The following ZNF385C variants were observed in gnomAD, a reference collection of about 807,000 sequenced individuals.
ZNF385C encodes CTD-2132N18.2.
A neutral mutation model predicts 35.4 loss-of-function variants in ZNF385C; 28 were observed. The ratio of observed to expected loss-of-function variants is 0.79; its 90% CI spans 0.59 to 1.08. The LOEUF (loss-of-function observed/expected upper bound fraction) is 1.08, where lower values mean the gene tolerates loss of function less well. Ranked by LOEUF, ZNF385C falls within the 50% of genes least tolerant of loss-of-function variation. The probability of loss-of-function intolerance (pLI) is 0.00; values close to 1 mark genes in which losing one functional copy is unlikely to be tolerated. For missense variants in ZNF385C, 605 were observed against 595.6 expected (o/e 1.02, Z -0.16); for synonymous variants, 248 against 248.2 (o/e 1.00, Z 0.01).
intron 4 of ZNF385C, among the ~76,000 whole-genome samples, chr17:42,033,715 T>G (rs782382839): frequency 6.6e-6 from 1 of 152,158 alleles, no homozygotes; most frequent in African/African-American, 2.4e-5. Flanking sequence ...ATTGCGCCAC[T>G]GCACTCCCGC....
chr17:42,070,557 C>T (rs531936264), intron 1 of ZNF385C, among the ~76,000 whole-genome samples: 5 of 152,132 alleles, frequency 3.3e-5, no homozygotes, highest in Non-Finnish European at 7.4e-5. Flanking sequence ...ACAGAAACAT[C>T]GCCTCCATGA....
At chr17:42,088,041 AT>A (rs199498121) in intron 1 of ZNF385C, among the ~76,000 whole-genome samples, 40 of 151,088 alleles carry the variant, frequency 2.6e-4, no homozygotes, top group Non-Finnish European at 3.1e-4. Context: ...TAAATGGTTA[AT>A]TTTTTTTTTA....
In ZNF385C at chr17:42,039,621, T is replaced by C. The variant is rs368331216; in HGVS notation, c.251-1736A>G. The stretch of plus-strand genomic sequence containing the variant: ...GGGAGGCTGCAGTCAGCAGATCATC[T>C]TGGGTGCAGCATGGTCAAGTCTAGG... On this transcript the variant is annotated intron_variant, in intron 2 of 8. Coordinates refer to ENST00000692273, the MANE Select transcript of ZNF385C (RefSeq NM_001392013.1). The C allele has an allele frequency of 5.8e-5, 68 of 1,173,036 alleles. No individual in the cohort carries two copies. The African/African-American group carries it at 8.8e-4, about 15-fold the overall frequency. 72.7% of individuals were successfully genotyped at this position (1,173,036 alleles called of 1,614,324 possible). A position where few individuals can be genotyped will look rare whatever the true frequency, so the allele number is the denominator to read the frequency against.
At chr17:42,065,364 A>T (rs535564186) in intron 1 of ZNF385C, 6 of 152,352 alleles carry the variant, frequency 3.9e-5, no homozygotes, top group African/African-American at 1.4e-4. Context: ...ACCTGAGCAG[A>T]CAAGCTCATC....
Position 42,071,620 on chromosome 17 carries a change from A to G in ZNF385C, c.-2-8562T>C, listed in dbSNP as rs73986516. On this transcript the variant is annotated intron_variant, in intron 1 of 8. Transcript: ENST00000692273. ...CTTGTAAGGTGGGATGGTTGTCTCC[A>G]TACCCCCTGTCCTTGCCTCTGCTGC... Among the ~76,000 whole-genome samples the G allele has an allele frequency of 8.2e-3, 1,241 of 152,096 alleles. 14 individuals carry two copies. Among genetic ancestry groups the G allele is most frequent in the African/African-American group, 0.028 (1,153 of 41,360 alleles).
chr17:42,038,240 T>G, intron 2 of ZNF385C: 1 of 560,432 alleles, frequency 1.8e-6, no homozygotes, highest in Non-Finnish European at 3.1e-6. Flanking sequence ...CATGATGTGC[T>G]GGGATTCCAT....
chr17:42,064,097 C>CACACACACACACACACACAA (rs2053512061), intron 1 of ZNF385C, among the ~76,000 whole-genome samples: 1 of 151,410 alleles, frequency 6.6e-6, no homozygotes, highest in African/African-American at 2.4e-5. Context: ...CACACACACA[C>CACACACACACACACACACAA]ACACACACAC....
intron 1 of ZNF385C, among the ~76,000 whole-genome samples, chr17:42,070,277 G>A (rs1555658690): frequency 6.6e-6 from 1 of 152,196 alleles, no homozygotes; most frequent in African/African-American, 2.4e-5. Context: ...CCGGGAGGCG[G>A]AGCTTGCAGT....
chr17:42,040,243 G>A (rs1373555858), intron 2 of ZNF385C: 1 of 1,231,458 alleles, frequency 8.1e-7, no homozygotes, highest in Non-Finnish European at 1.0e-6. Flanking sequence ...CTTCCGCATG[G>A]AGTCCAGGAA....
chr17:42,055,941 G>T (rs1555657529), intron 2 of ZNF385C, among the ~76,000 whole-genome samples: 6 of 152,160 alleles, frequency 3.9e-5, no homozygotes, highest in African/African-American at 1.4e-4. Flanking sequence ...CCCCTCTCCC[G>T]CTGGAAGGCA....
At chr17:42,028,757 G>A in intron 6 of ZNF385C, 26 bp downstream of exon 6, 9 of 1,536,152 alleles carry the variant, frequency 5.9e-6, no homozygotes, top group Non-Finnish European at 7.9e-6. Flanking sequence ...CCCTTTCCCT[G>A]GGCTCCAGCT....
At chr17:42,084,098 T>G (rs1480793739) in intron 1 of ZNF385C, among the ~76,000 whole-genome samples, 4 of 151,994 alleles carry the variant, frequency 2.6e-5, no homozygotes, top group Non-Finnish European at 5.9e-5. Context: ...AATCCCACCA[T>G]TTTAGGAGGC....
intron 1 of ZNF385C, among the ~76,000 whole-genome samples, chr17:42,097,115 C>T (rs1377132092): frequency 1.3e-5 from 2 of 152,092 alleles, no homozygotes; most frequent in South Asian, 2.1e-4. Context: ...CTGTGCTAAG[C>T]GCTCTACATG....
chr17:42,085,442 T>C (rs959737473), intron 1 of ZNF385C, among the ~76,000 whole-genome samples: 2 of 149,516 alleles, frequency 1.3e-5, no homozygotes, highest in Admixed American at 1.3e-4. Context: ...CTAATTTTTT[T>C]CTTTTTTTTT....
In ZNF385C at chr17:42,026,739, A is replaced by C; in HGVS notation, c.*158T>G. 1.3e-6 allele frequency: 1 copy of C among 746,736 alleles called. No homozygotes were observed. Among genetic ancestry groups the C allele is most frequent in the East Asian group, 2.7e-5 (1 of 37,340 alleles). The allele number at this position is 746,736 out of a possible 1,614,324, so 46.3% of individuals were successfully genotyped here. ...AAGGAGGGTGGGGACAGTCCTTGGAAGGCAGCTGCCCTTAAAACTAGCCCA... is the reference window on the plus strand; with the variant it reads ...AAGGAGGGTGGGGACAGTCCTTGGACGGCAGCTGCCCTTAAAACTAGCCCA... On this transcript the variant is annotated 3_prime_UTR_variant, in exon 9 of 9. Transcript: ENST00000692273.
rs1365419312 is a variant in ZNF385C, at chr17:42,064,959, T to G, written c.-2-1901A>C. On this transcript the variant is annotated intron_variant, in intron 1 of 8. Transcript: ENST00000692273. ...GCCTCCCGGATTCAAGCAATTCTCC[T>G]GCCTCAGCCTCCTGAGTAGCTGGGA... 19 of 152,158 alleles carry G rather than the reference T, an allele frequency of 1.2e-4. 1 individual carries two copies. The highest frequency in any genetic ancestry group is 1.2e-3 in the Admixed American group (18 of 15,266). The allele number at this position is 152,158 out of a possible 1,614,324, so 9.4% of individuals were successfully genotyped here. A position where few individuals can be genotyped will look rare whatever the true frequency, so the allele number is the denominator to read the frequency against.
At chr17:42,030,007 G>A (rs546034864) in intron 5 of ZNF385C, among the ~76,000 whole-genome samples, 6 of 151,546 alleles carry the variant, frequency 4.0e-5, no homozygotes, top group Non-Finnish European at 7.4e-5. Flanking sequence ...CAGCCTGGGT[G>A]ACAGAGCCAG....
intron 1 of ZNF385C, among the ~76,000 whole-genome samples, chr17:42,076,344 G>A (rs1445479816): frequency 2.0e-5 from 3 of 151,348 alleles, no homozygotes; most frequent in Non-Finnish European, 4.4e-5. Flanking sequence ...GGCTCTGGCC[G>A]GGCGCGGTGG....
At chr17:42,054,090 TC>T (rs1651543697) in intron 2 of ZNF385C, among the ~76,000 whole-genome samples, 1 of 151,898 alleles carries the variant, frequency 6.6e-6, no homozygotes, top group South Asian at 2.1e-4. Flanking sequence ...GGCATGTTCT[TC>T]CCCCAGGGGA....
Sources: allele counts gnomAD v4.1 joint callset (sites outside exome capture counted in the v4.1 genomes callset), GRCh38; gene constraint gnomAD v4.1.1; transcripts MANE v1.5; gene names NCBI Gene and HGNC (gene_info 2026-07-23, HGNC 2026-07-21).